Variants in BRD10 observed in about 807,000 individuals in gnomAD.
The protein encoded by BRD10 is bromodomain containing 10.
the BRD10 span, among the ~76,000 whole-genome samples, chr9:5,924,394 C>T: frequency 6.6e-6 from 1 of 151,940 alleles, no homozygotes; most frequent in Non-Finnish European, 1.5e-5. Context: ...ACTCCTATCT[C>T]GACCTCTTGA....
the BRD10 span, chr9:5,969,413 T>G: frequency 6.3e-7 from 1 of 1,576,782 alleles, no homozygotes; most frequent in Non-Finnish European, 8.6e-7. Context: ...TTCTTCTGCT[T>G]CTTTTCTTTC....
the BRD10 span, among the ~76,000 whole-genome samples, chr9:5,882,375 C>T: frequency 2.0e-5 from 3 of 152,168 alleles, no homozygotes; most frequent in Non-Finnish European, 2.9e-5. Flanking sequence ...AAGGATTTCG[C>T]ATGAGACCCA....
chr9:5,942,854 T>C, the BRD10 span, among the ~76,000 whole-genome samples: 1 of 152,112 alleles, frequency 6.6e-6, no homozygotes, highest in Non-Finnish European at 1.5e-5. Flanking sequence ...AGGAATACAA[T>C]GTCAAATATT....
chr9:6,003,800 T>C, the BRD10 span, among the ~76,000 whole-genome samples: 69 of 152,172 alleles, frequency 4.5e-4, no homozygotes, highest in Middle Eastern at 3.4e-3. Context: ...AAATTATTTA[T>C]AGATTACATG....
the BRD10 span, chr9:5,969,077 C>G: frequency 1.4e-5 from 23 of 1,613,370 alleles, no homozygotes; most frequent in South Asian, 2.4e-4. Context: ...TTCAGTTTGC[C>G]CTACAGCAGT....
chr9:6,007,626 G>A, the BRD10 span: 1 of 1,602,712 alleles, frequency 6.2e-7, no homozygotes, highest in South Asian at 1.1e-5. Context: ...CCTCCTGATC[G>A]TCCGCGTCCT....
the BRD10 span, chr9:6,007,509 C>A: frequency 6.2e-7 from 1 of 1,612,888 alleles, no homozygotes; most frequent in Non-Finnish European, 8.5e-7. Context: ...GGCCCCGGTG[C>A]TTCTCCTGCA....
chr9:6,007,389 G>C, the BRD10 span: 23 of 1,610,246 alleles, frequency 1.4e-5, no homozygotes, highest in Middle Eastern at 1.6e-4. Flanking sequence ...TGCCCTGTCC[G>C]GGCTGCTGCG....
the BRD10 span, chr9:5,922,272 GTGT>G: frequency 3.1e-6 from 5 of 1,613,832 alleles, no homozygotes; most frequent in Admixed American, 1.7e-5. Flanking sequence ...GACCCATTTA[GTGT>G]TGTTGTTGAT....
At chr9:5,952,000 CTTATTTATTTAT>C in the BRD10 span, among the ~76,000 whole-genome samples, 77 of 128,002 alleles carry the variant, frequency 6.0e-4, 1 homozygote, top group Middle Eastern at 0.018. Context: ...CAGGAAGAGA[CTTATTTATTTAT>C]TTATTTATTT....
At chr9:5,892,262 C>A in the BRD10 span, among the ~76,000 whole-genome samples, 5 of 152,086 alleles carry the variant, frequency 3.3e-5, no homozygotes, top group Non-Finnish European at 4.4e-5. Context: ...GGGTTAGAAA[C>A]CTGAGCTATT....
At chr9:5,976,149 T>C in the BRD10 span, among the ~76,000 whole-genome samples, 2 of 152,302 alleles carry the variant, frequency 1.3e-5, no homozygotes, top group East Asian at 3.9e-4. Context: ...CTGCTGCCTT[T>C]TAGTAGCCTT....
the BRD10 span, among the ~76,000 whole-genome samples, chr9:5,883,273 T>C: frequency 6.6e-6 from 1 of 152,210 alleles, no homozygotes; most frequent in Non-Finnish European, 1.5e-5. Flanking sequence ...ACATCTTTTG[T>C]TTTGGAGAAC....
the BRD10 span, among the ~76,000 whole-genome samples, chr9:5,961,671 T>G: frequency 6.6e-6 from 1 of 152,198 alleles, no homozygotes; most frequent in Non-Finnish European, 1.5e-5. Context: ...GACATTATAT[T>G]GTTTCCACTG....
chr9:5,956,514 T>C, the BRD10 span, among the ~76,000 whole-genome samples: 2 of 152,156 alleles, frequency 1.3e-5, no homozygotes, highest in African/African-American at 2.4e-5. Context: ...TTTCTTCATC[T>C]GTAAAACAAG....
chr9:5,906,282 A>G, the BRD10 span, among the ~76,000 whole-genome samples: 1 of 150,948 alleles, frequency 6.6e-6, no homozygotes, highest in South Asian at 2.1e-4. Context: ...GTGAGCCGAG[A>G]TCGTGCCATT....
At chr9:5,913,698 A>C in the BRD10 span, among the ~76,000 whole-genome samples, 2 of 152,228 alleles carry the variant, frequency 1.3e-5, no homozygotes, top group African/African-American at 4.8e-5. Flanking sequence ...GACAAACACA[A>C]ATCAGAAAAT....
chr9:5,937,660 C>G, the BRD10 span, among the ~76,000 whole-genome samples: 2 of 152,252 alleles, frequency 1.3e-5, no homozygotes, highest in East Asian at 1.9e-4. Context: ...ACAGCATTAA[C>G]TCCCTGCCTG....
chr9:5,929,022 C>A, the BRD10 span: 3 of 1,273,504 alleles, frequency 2.4e-6, no homozygotes, highest in Admixed American at 3.8e-5. Context: ...ATAAGTAAAA[C>A]AGATTATAAC....
Sources: allele counts gnomAD v4.1 joint callset (sites outside exome capture counted in the v4.1 genomes callset), GRCh38; gene constraint gnomAD v4.1.1; transcripts MANE v1.5; gene names NCBI Gene and HGNC (gene_info 2026-07-23, HGNC 2026-07-21).